The following QTGAL variants were observed in gnomAD, a reference collection of about 807,000 sequenced individuals.
QTGAL encodes the protein BGnT-like protein 1.
At chr17:82,950,742 A>G in the QTGAL span, among the ~76,000 whole-genome samples, 4 of 152,246 alleles carry the variant, frequency 2.6e-5, no homozygotes, top group Non-Finnish European at 4.4e-5. Context: ...CCCCTCGTAC[A>G]TCAGCCTCAG....
At chr17:82,972,769 C>G in the QTGAL span, among the ~76,000 whole-genome samples, 1 of 141,638 alleles carries the variant, frequency 7.1e-6, no homozygotes, top group South Asian at 2.2e-4. Flanking sequence ...ACTGACCACA[C>G]CACACCACAG....
chr17:82,982,045 G>A, the QTGAL span, among the ~76,000 whole-genome samples: 1,696 of 150,146 alleles, frequency 0.011, 36 homozygotes, highest in African/African-American at 0.04. Flanking sequence ...TCTCACCTCC[G>A]TGGTGATGGG....
the QTGAL span, among the ~76,000 whole-genome samples, chr17:83,027,797 CA>C: frequency 3.0e-4 from 44 of 149,062 alleles, 1 homozygote; most frequent in East Asian, 5.2e-3. Flanking sequence ...GAATATGTCA[CA>C]AAACTCTGTA....
chr17:82,985,742 G>A, the QTGAL span, among the ~76,000 whole-genome samples: 1 of 152,288 alleles, frequency 6.6e-6, no homozygotes, highest in East Asian at 1.9e-4. Flanking sequence ...AGGGTTGATC[G>A]GAGGCCAAAA....
At chr17:83,013,238 A>C in the QTGAL span, among the ~76,000 whole-genome samples, 2 of 151,304 alleles carry the variant, frequency 1.3e-5, no homozygotes, top group African/African-American at 2.4e-5. Flanking sequence ...CACACCCCCA[A>C]AGGAGGCAAC....
At chr17:83,005,051 T>A in the QTGAL span, 9 of 1,355,526 alleles carry the variant, frequency 6.6e-6, no homozygotes, top group Non-Finnish European at 9.2e-6. The surrounding 1 kb of genome is among the most constrained non-coding windows in gnomAD (Gnocchi z 5.6). Context: ...CACAGCATAA[T>A]GCATGAGATG....
chr17:83,038,054 T>C, the QTGAL span, among the ~76,000 whole-genome samples: 1 of 152,134 alleles, frequency 6.6e-6, no homozygotes, highest in African/African-American at 2.4e-5. Flanking sequence ...GGCGACGTTA[T>C]TAGGAAAGTG....
the QTGAL span, among the ~76,000 whole-genome samples, chr17:82,975,801 C>T: frequency 8.9e-6 from 1 of 112,422 alleles, no homozygotes; most frequent in African/African-American, 4.8e-5. Context: ...AGCCGGACTC[C>T]ATCCTCCCAG....
chr17:82,946,487 T>C, the QTGAL span, among the ~76,000 whole-genome samples: 7 of 151,880 alleles, frequency 4.6e-5, no homozygotes, highest in Non-Finnish European at 8.8e-5. Context: ...GTGTATTTTA[T>C]TGAATTGGTA....
the QTGAL span, among the ~76,000 whole-genome samples, chr17:82,960,758 G>A: frequency 6.6e-6 from 1 of 152,232 alleles, no homozygotes; most frequent in East Asian, 1.9e-4. Context: ...CGGGTTAAAG[G>A]GAGCACAGGG....
At chr17:83,024,451 C>T in the QTGAL span, among the ~76,000 whole-genome samples, 5 of 152,260 alleles carry the variant, frequency 3.3e-5, no homozygotes, top group African/African-American at 9.6e-5. Context: ...CAGGCGCGGA[C>T]GTGGCCAGCA....
the QTGAL span, among the ~76,000 whole-genome samples, chr17:83,004,751 C>T: frequency 4.7e-5 from 6 of 127,700 alleles, no homozygotes; most frequent in East Asian, 2.4e-4. Context: ...TGAGCCCGCC[C>T]TCCCACCCTC....
chr17:82,945,782 T>C, the QTGAL span: 1 of 152,164 alleles, frequency 6.6e-6, no homozygotes, highest in East Asian at 1.9e-4. Context: ...CTGCCAAATA[T>C]CTTCTGGGGG....
At chr17:82,952,213 G>A in the QTGAL span, among the ~76,000 whole-genome samples, 2 of 152,236 alleles carry the variant, frequency 1.3e-5, no homozygotes, top group East Asian at 1.9e-4. Flanking sequence ...ACCAACACAC[G>A]CTGGCCTCAC....
chr17:82,952,236 GC>G, the QTGAL span, among the ~76,000 whole-genome samples: 1 of 152,170 alleles, frequency 6.6e-6, no homozygotes, highest in Non-Finnish European at 1.5e-5. Flanking sequence ...CTTCTGCGGG[GC>G]AGGAACCGTG....
the QTGAL span, among the ~76,000 whole-genome samples, chr17:82,982,455 G>C: frequency 6.6e-6 from 1 of 152,206 alleles, no homozygotes; most frequent in African/African-American, 2.4e-5. Context: ...ATTGGAAAAT[G>C]AGCCCACAAA....
the QTGAL span, among the ~76,000 whole-genome samples, chr17:82,985,343 T>A: frequency 6.6e-6 from 1 of 152,260 alleles, no homozygotes; most frequent in East Asian, 1.9e-4. Flanking sequence ...GTTACCTTAT[T>A]AAAATAGTTG....
chr17:82,958,733 C>T, the QTGAL span, among the ~76,000 whole-genome samples: 3 of 151,274 alleles, frequency 2.0e-5, no homozygotes, highest in Non-Finnish European at 2.9e-5. Flanking sequence ...CTCAATAGTC[C>T]GGACCCCACC....
At chr17:83,009,194 C>T in the QTGAL span, among the ~76,000 whole-genome samples, 6 of 152,014 alleles carry the variant, frequency 3.9e-5, no homozygotes, top group South Asian at 2.1e-4. Flanking sequence ...AAGGCAGAGG[C>T]GGGTGGATCA....
Sources: gnomAD v4.1 joint callset for allele counts (sites outside exome capture counted in the v4.1 genomes callset) on GRCh38, gnomAD v4.1.1 for gene constraint, Gnocchi (gnomAD v3.1) non-coding constraint, MANE v1.5 for transcripts, NCBI Gene and HGNC (gene_info 2026-07-23, HGNC 2026-07-21) for gene names.